FA2H: variants seen among roughly 807,000 people sequenced by gnomAD.
FA2H encodes the protein fatty acid alpha-hydroxylase.
FA2H carries 22 observed loss-of-function variants against 44.9 expected under a neutral mutation model. The observed-to-expected ratio is 0.49, with a 90% CI of 0.35 to 0.70. FA2H has a LOEUF of 0.70. FA2H is among the 30% of genes least tolerant of loss of function. The pLI is 0.01. For missense variants in FA2H, 501 were observed against 504.9 expected, an observed-to-expected ratio of 0.99 and a Z score of 0.07; for synonymous variants, 243 against 213.2, an observed-to-expected ratio of 1.14 and a Z score of -1.22.
rs739976 is a variant in FA2H, at chr16:74,722,599, G to A, written c.614-3439C>T. ...TGGCTCCACTTTGCCACTTCCCATT[G>A]GCTTGTCAAGTCCTTAAAAATCTGT... is the stretch of plus-strand genomic sequence containing the variant. On this transcript the variant is annotated intron_variant, in intron 4 of 6. Coordinates refer to ENST00000219368, the MANE Select transcript of FA2H (RefSeq NM_024306.5). 2.4e-3 allele frequency among the ~76,000 whole-genome samples: 365 copies of A among 151,968 alleles called. 1 individual carries two copies. Among genetic ancestry groups the A allele is most frequent in the African/African-American group, 8.6e-3 (355 of 41,468 alleles).
chr16:74,735,472 A>G (rs2144628088), intron 2 of FA2H, among the ~76,000 whole-genome samples: 1 of 152,360 alleles, frequency 6.6e-6, no homozygotes. Flanking sequence ...ACGAGGATTC[A>G]GGCAGCGGAG....
intron 2 of FA2H, among the ~76,000 whole-genome samples, chr16:74,735,717 A>C (rs1038243223): frequency 6.6e-6 from 1 of 152,196 alleles, no homozygotes; most frequent in Non-Finnish European, 1.5e-5. Flanking sequence ...AATAAGATGC[A>C]GGGTTGCAAT....
Position 74,745,811 on chromosome 16 carries a change from T to G in FA2H, c.271-5696A>C, listed in dbSNP as rs1035132043. ...TCACTGTCAATGGATTTTTTTTTTT[T>G]TTTTTTTTTTTTGAGACAGAGTCTT... On this transcript the variant is annotated intron_variant, in intron 1 of 6. Transcript: ENST00000219368. Among the ~76,000 whole-genome samples, 51 of 149,288 alleles carry G rather than the reference T, an allele frequency of 3.4e-4. 1 individual carries two copies. Among genetic ancestry groups the G allele is most frequent in the African/African-American group, 1.2e-3 (49 of 40,418 alleles).
chr16:74,740,632 T>A (rs1045094602), intron 1 of FA2H, among the ~76,000 whole-genome samples: 1 of 128,704 alleles, frequency 7.8e-6, no homozygotes, highest in East Asian at 2.0e-4. Context: ...ATAATAATAA[T>A]AATAATAATA....
At chr16:74,744,018 A>G (rs1161133977) in intron 1 of FA2H, among the ~76,000 whole-genome samples, 1 of 152,200 alleles carries the variant, frequency 6.6e-6, no homozygotes, top group Non-Finnish European at 1.5e-5. Flanking sequence ...CACACAGCTA[A>G]GACAAAGACC....
intron 1 of FA2H, among the ~76,000 whole-genome samples, chr16:74,748,087 C>T (rs1897619667): frequency 6.6e-6 from 1 of 152,058 alleles, no homozygotes; most frequent in African/African-American, 2.4e-5. Context: ...CAGATGGCCC[C>T]GGGGGGACAG....
intron 5 of FA2H, 49 bp from the exon 6 acceptor site, chr16:74,716,648 A>G: frequency 6.6e-7 from 1 of 1,515,050 alleles, no homozygotes; most frequent in South Asian, 1.3e-5. Flanking sequence ...GGGCCCCGGC[A>G]GCTGGCCAAA....
intron 1 of FA2H, among the ~76,000 whole-genome samples, chr16:74,765,172 T>C (rs1567650876): frequency 6.6e-6 from 1 of 151,890 alleles, no homozygotes; most frequent in Non-Finnish European, 1.5e-5. Flanking sequence ...TTTTTTTTTT[T>C]TGATACAAAG....
At chr16:74,760,372 A>C (rs1179044248) in intron 1 of FA2H, among the ~76,000 whole-genome samples, 2 of 152,184 alleles carry the variant, frequency 1.3e-5, no homozygotes, top group African/African-American at 4.8e-5. Context: ...AAATTGTCTA[A>C]ATTAAAGACT....
chr16:74,744,450 CTTT>C (rs35646878), intron 1 of FA2H, among the ~76,000 whole-genome samples: 109 of 129,524 alleles, frequency 8.4e-4, no homozygotes, highest in East Asian at 1.6e-3. Context: ...CAGATGATGC[CTTT>C]TTTTTTTTTT....
intron 1 of FA2H, among the ~76,000 whole-genome samples, chr16:74,766,681 A>G (rs1196378576): frequency 6.6e-6 from 1 of 152,150 alleles, no homozygotes; most frequent in East Asian, 1.9e-4. Context: ...GGTCCAAGCC[A>G]TTGGCTCTTC....
chr16:74,737,034 G>C (rs774369229), intron 2 of FA2H, among the ~76,000 whole-genome samples: 3 of 152,202 alleles, frequency 2.0e-5, no homozygotes, highest in Non-Finnish European at 4.4e-5. Context: ...TGAGGGCTCA[G>C]TACAAGAGAT....
intron 1 of FA2H, among the ~76,000 whole-genome samples, chr16:74,763,227 G>A (rs1366374532): frequency 2.0e-5 from 3 of 152,096 alleles, no homozygotes; most frequent in Non-Finnish European, 1.5e-5. Context: ...AAGTACCTAA[G>A]TGGGTTATTA....
At chr16:74,742,995 G>C (rs1567643713) in intron 1 of FA2H, among the ~76,000 whole-genome samples, 1 of 152,036 alleles carries the variant, frequency 6.6e-6, no homozygotes, top group Non-Finnish European at 1.5e-5. Flanking sequence ...TACCAAAAAA[G>C]GTTCTATTTT....
chr16:74,764,417 G>C (rs1272653848), intron 1 of FA2H, among the ~76,000 whole-genome samples: 1 of 152,168 alleles, frequency 6.6e-6, no homozygotes, highest in African/African-American at 2.4e-5. Flanking sequence ...TGTCCCTTGA[G>C]GGAATATGGA....
chr16:74,734,168 G>C (rs945393221), intron 2 of FA2H, among the ~76,000 whole-genome samples: 1 of 152,230 alleles, frequency 6.6e-6, no homozygotes, highest in Non-Finnish European at 1.5e-5. Context: ...ACGTGGCTCG[G>C]GTGGGGGAGA....
intron 4 of FA2H, among the ~76,000 whole-genome samples, chr16:74,725,311 G>C (rs1961928310): frequency 6.6e-6 from 1 of 152,238 alleles, no homozygotes; most frequent in South Asian, 2.1e-4. Context: ...CCCTGGCAGA[G>C]TGAGGGCAGC....
At chr16:74,738,466 T>C (rs1324410384) in intron 2 of FA2H, among the ~76,000 whole-genome samples, 3 of 152,126 alleles carry the variant, frequency 2.0e-5, no homozygotes, top group Non-Finnish European at 4.4e-5. Context: ...GCTGGCAATG[T>C]GGGCTGGATC....
chr16:74,730,544 C>A (rs1286253583), intron 2 of FA2H, among the ~76,000 whole-genome samples: 1 of 151,278 alleles, frequency 6.6e-6, no homozygotes, highest in Admixed American at 6.6e-5. Context: ...GGTCTGTAAA[C>A]ACACACACAC....
Sources: gnomAD v4.1 joint callset for allele counts (sites outside exome capture counted in the v4.1 genomes callset) on GRCh38, gnomAD v4.1.1 for gene constraint, MANE v1.5 for transcripts, NCBI Gene and HGNC (gene_info 2026-07-23, HGNC 2026-07-21) for gene names.